The following TMEM114 variants were observed in gnomAD, a reference collection of about 807,000 sequenced individuals.
TMEM114 encodes claudin-26.
A neutral mutation model predicts 6.2 loss-of-function variants in TMEM114; 6 were observed. The observed-to-expected ratio is 0.97, with a 90% CI of 0.53 to 1.91. TMEM114 has a LOEUF of 1.91. Among genes scored for constraint, TMEM114 ranks in the 40% most tolerant of loss-of-function variants. The probability of loss-of-function intolerance (pLI) is 0.01; values close to 1 mark genes in which losing one functional copy is unlikely to be tolerated. For missense variants in TMEM114, 218 were observed against 158.3 expected, an observed-to-expected ratio of 1.38 and a Z score of -2.02; for synonymous variants, 104 against 73.0, an observed-to-expected ratio of 1.42 and a Z score of -2.16.
In TMEM114 at chr16:8,570,022, G is replaced by C. The variant is rs1901678972; in HGVS notation, c.440-17C>G. ...TCACCATGGCTGCAGGGAGGGCAAA[G>C]GGAGAGCAGATCAATCCCCCACCCC... On this transcript the variant is annotated splice_polypyrimidine_tract_variant and intron_variant, in intron 3 of 3. Transcript: ENST00000620492. 1.9e-6 allele frequency: 3 copies of C among 1,542,446 alleles called. No homozygotes were observed. The highest frequency in any genetic ancestry group is 2.6e-6 in the Non-Finnish European group (3 of 1,140,676).
intron 2 of TMEM114, among the ~76,000 whole-genome samples, chr16:8,552,462 TTGTGC>T (rs1555462386): frequency 6.6e-6 from 1 of 151,866 alleles, no homozygotes; most frequent in Non-Finnish European, 1.5e-5. Context: ...TGCTTCATGA[TTGTGC>T]TGTGCAAAAA....
intron 2 of TMEM114, among the ~76,000 whole-genome samples, chr16:8,559,081 C>T (rs528358363): frequency 3.9e-5 from 6 of 151,912 alleles, no homozygotes; most frequent in African/African-American, 1.4e-4. Flanking sequence ...TTTGCTGTGT[C>T]ACCCAGGCTG....
At chr16:8,558,863 C>T (rs567538461) in intron 2 of TMEM114, among the ~76,000 whole-genome samples, 1 of 151,510 alleles carries the variant, frequency 6.6e-6, no homozygotes, top group South Asian at 2.1e-4. Context: ...GCCTCAGCCT[C>T]CCGAGTAGCT....
chr16:8,533,895 G>C (rs80029478), downstream of TMEM114, among the ~76,000 whole-genome samples: 1 of 152,178 alleles, frequency 6.6e-6, no homozygotes, highest in East Asian at 1.9e-4. Flanking sequence ...CTGTCCAGGA[G>C]AAGGATGCAA....
downstream of TMEM114, among the ~76,000 whole-genome samples, chr16:8,567,495 G>T (rs1901582883): frequency 6.6e-6 from 1 of 152,186 alleles, no homozygotes; most frequent in Non-Finnish European, 1.5e-5. Context: ...GTCCATTATT[G>T]CTCGCTTAGC....
At position 8,569,918 on chromosome 16, in the gene TMEM114, G is replaced by A. The variant is rs1481397008; in HGVS notation, c.527C>T (p.Ala176Val). Residue 176 changes from alanine to valine, a missense_variant, in exon 4 of 4, where the codon GCC becomes GTC. Coordinates refer to ENST00000620492, the MANE Select transcript of TMEM114 (RefSeq NM_001146336.2). Reference protein sequence around the residue: ...REALCLLEEKALLDQVDISFG... With the variant: ...REALCLLEEKVLLDQVDISFG... ...GCTGATGTCCACCTGGTCCAGGAGGGCCTTCTCCTCCAAGAGACACAGCGC... is the reference window on the plus strand; with the variant it reads ...GCTGATGTCCACCTGGTCCAGGAGGACCTTCTCCTCCAAGAGACACAGCGC... The A allele has an allele frequency of 4.5e-6, 7 of 1,551,056 alleles. No individual in the cohort carries two copies. Among genetic ancestry groups the A allele is most frequent in the Non-Finnish European group, 2.6e-6 (3 of 1,146,960 alleles).
At chr16:8,528,779 C>T in the TMEM114 span, among the ~76,000 whole-genome samples, 1 of 152,216 alleles carries the variant, frequency 6.6e-6, no homozygotes, top group Non-Finnish European at 1.5e-5. Context: ...CCAAGGTGAG[C>T]TCTTTGCCTT....
chr16:8,548,704 A>ATATG (rs879775791), intron 2 of TMEM114, among the ~76,000 whole-genome samples: 1 of 150,822 alleles, frequency 6.6e-6, no homozygotes, highest in African/African-American at 2.5e-5. Flanking sequence ...GTATATATAT[A>ATATG]CACAGAAAAA....
At chr16:8,531,556 C>T in the TMEM114 span, among the ~76,000 whole-genome samples, 1 of 152,204 alleles carries the variant, frequency 6.6e-6, no homozygotes, top group Non-Finnish European at 1.5e-5. Flanking sequence ...AGAAGGGCCT[C>T]TTGCACCCAT....
At chr16:8,578,765 G>C (rs1196981778) in intron 2 of TMEM114, among the ~76,000 whole-genome samples, 4 of 152,146 alleles carry the variant, frequency 2.6e-5, no homozygotes, top group Admixed American at 6.5e-5. Context: ...GATCACCTGA[G>C]GTTAGAAGTT....
At chr16:8,584,922 CAAAAAAAA>C (rs905674847) in intron 2 of TMEM114, among the ~76,000 whole-genome samples, 2 of 49,206 alleles carry the variant, frequency 4.1e-5, no homozygotes, top group Non-Finnish European at 4.2e-5. Context: ...AACGCCGTCT[CAAAAAAAA>C]AAAAAAAAAA....
chr16:8,531,679 G>C, the TMEM114 span, among the ~76,000 whole-genome samples: 1 of 152,188 alleles, frequency 6.6e-6, no homozygotes, highest in Non-Finnish European at 1.5e-5. Context: ...TCAATGAAGT[G>C]ACCAGTGTAA....
rs773956632 is a variant in TMEM114 at position 8,569,626 on chromosome 16, A to T, written c.*147T>A. 16 of 1,436,342 alleles carry T rather than the reference A, an allele frequency of 1.1e-5. No homozygotes were observed. Among genetic ancestry groups the T allele is most frequent in the African/African-American group, 1.4e-5 (1 of 69,756 alleles). The allele number at this position is 1,436,342 out of a possible 1,614,324, so 89.0% of individuals were successfully genotyped here. A position where few individuals can be genotyped will look rare whatever the true frequency, so the allele number is the denominator to read the frequency against. On this transcript the variant is annotated 3_prime_UTR_variant, in exon 4 of 4. Transcript: ENST00000620492. ...AGGATAACAGCCAGGCCCCAAGCTTAGTCCGCGGGGATTTGTGGGGGAAGG... is the reference window on the plus strand; with the variant it reads ...AGGATAACAGCCAGGCCCCAAGCTTTGTCCGCGGGGATTTGTGGGGGAAGG...
intron 2 of TMEM114, among the ~76,000 whole-genome samples, chr16:8,572,646 G>C (rs746789576): frequency 6.6e-6 from 1 of 152,158 alleles, no homozygotes; most frequent in Non-Finnish European, 1.5e-5. Context: ...ATGTTGCCCA[G>C]ACTGGTCTCA....
chr16:8,545,649 C>G (rs976641937), intron 2 of TMEM114, among the ~76,000 whole-genome samples: 2 of 152,166 alleles, frequency 1.3e-5, no homozygotes, highest in Non-Finnish European at 2.9e-5. Flanking sequence ...TGAGAATTTG[C>G]TTTTCTAACA....
At chr16:8,561,028 A>C (rs543200479) in intron 2 of TMEM114, among the ~76,000 whole-genome samples, 2 of 152,330 alleles carry the variant, frequency 1.3e-5, no homozygotes, top group South Asian at 4.1e-4. Flanking sequence ...AAAAACCATC[A>C]GGTTTCTTAA....
intron 2 of TMEM114, 117 bp downstream of exon 2, chr16:8,589,096 G>A (rs1902403649): frequency 2.5e-6 from 1 of 395,784 alleles, no homozygotes; most frequent in African/African-American, 2.1e-5. Flanking sequence ...TGGGCTGTCA[G>A]AGGCCACCCC....
intron 2 of TMEM114, among the ~76,000 whole-genome samples, chr16:8,541,824 A>G (rs1353195581): frequency 3.9e-5 from 6 of 152,120 alleles, no homozygotes; most frequent in African/African-American, 9.7e-5. Context: ...AACTGGGAAG[A>G]TTCTAGAATT....
rs1406175304 is a variant in TMEM114, at chr16:8,572,112, G to A, written c.414C>T (p.Leu138=). Residue 138 remains leucine, a synonymous_variant, in exon 3 of 4, where the codon CTC becomes CTT. Coordinates refer to ENST00000620492, the MANE Select transcript of TMEM114 (RefSeq NM_001146336.2). ...CTCCAAAGAGGAAGAGAATTCCAGT[G>A]AGCAGGAGGAGGAGGTAGGCTTGGA... is the stretch of plus-strand genomic sequence containing the variant. ...FLLQAYLLLL[L]TGILFLFGAM... is the part of the protein sequence containing the mutation. The A allele has an allele frequency of 1.3e-6, 2 of 1,550,870 alleles. No individual in the cohort carries two copies. Among genetic ancestry groups the A allele is most frequent in the Non-Finnish European group, 1.7e-6 (2 of 1,146,658 alleles).
Sources: gnomAD v4.1 joint callset for allele counts (sites outside exome capture counted in the v4.1 genomes callset) on GRCh38, gnomAD v4.1.1 for gene constraint, MANE v1.5 for transcripts, NCBI Gene and HGNC (gene_info 2026-07-23, HGNC 2026-07-21) for gene names.